The following PRG4 variants were observed in gnomAD, a reference collection of about 807,000 sequenced individuals.
PRG4 encodes proteoglycan 4.
Under a neutral mutation model 91.2 loss-of-function variants are expected in PRG4, and 61 were observed. The observed-to-expected ratio is 0.67, with a 90% CI of 0.54 to 0.83. The LOEUF is 0.83. Ranked by LOEUF, PRG4 falls within the 40% of genes least tolerant of loss-of-function variation. PRG4 has a pLI of 0.00. For synonymous variants in PRG4, 576 were observed against 614.2 expected (o/e 0.94, Z 0.92); for missense variants, 1,564 against 1,714.2 (o/e 0.91, Z 1.55).
chr1:186,302,483 A>G (rs1317276918), intron 4 of PRG4, among the ~76,000 whole-genome samples: 1 of 152,226 alleles, frequency 6.6e-6, no homozygotes, highest in Non-Finnish European at 1.5e-5. Flanking sequence ...AAACAAGAAT[A>G]TTTGTGGAGG....
In PRG4 at chr1:186,308,881, G is replaced by A. The variant is rs1656957816; in HGVS notation, c.3162G>A (p.Lys1054=). 1.2e-6 allele frequency: 2 copies of A among 1,613,672 alleles called. No homozygotes were observed. The highest frequency in any genetic ancestry group is 1.7e-5 in the Admixed American group (1 of 59,966). ...CAAAGACGACACCAACTCCCCGCAA[G>A]ATGACATCAACAATGCCAGAATTGA... ...RKPKTTPTPR[K]MTSTMPELNP... The change falls in exon 7 of 13, where the codon AAG becomes AAA. Residue 1054 remains lysine, a synonymous_variant. Coordinates refer to ENST00000445192, the MANE Select transcript of PRG4 (RefSeq NM_005807.6).
intron 9 of PRG4, 87 bp downstream of exon 9, chr1:186,311,257 A>G: frequency 6.9e-7 from 1 of 1,456,582 alleles, no homozygotes; most frequent in Non-Finnish European, 9.6e-7. Flanking sequence ...AACCTCCAAT[A>G]TGTGTCCTTT....
Position 186,308,521 on chromosome 1 carries a change from A to G in PRG4, c.2802A>G (p.Ala934=), listed in dbSNP as rs996220820. The change falls in exon 7 of 13, where the codon GCA becomes GCG. Residue 934 remains alanine (A), a synonymous_variant. Transcript: ENST00000445192. ...CTACACCTGAAACTACAACTGCTGCACCTAAGATGACAAAAGAGACAGCAA... is the reference window on the plus strand; with the variant it reads ...CTACACCTGAAACTACAACTGCTGCGCCTAAGATGACAAAAGAGACAGCAA... ...LRTTPETTTA[A]PKMTKETATT... is the part of the protein sequence containing the mutation. 6.2e-7 allele frequency: 1 copy of G among 1,613,790 alleles called. No individual in the cohort carries two copies. Among genetic ancestry groups the G allele is most frequent in the African/African-American group, 1.3e-5 (1 of 75,052 alleles).
In PRG4 at chr1:186,312,763, T is replaced by G. The variant is rs1366853091; in HGVS notation, c.3992-6T>G. 2.5e-6 allele frequency: 4 copies of G among 1,612,510 alleles called. No homozygotes were observed. Among genetic ancestry groups the G allele is most frequent in the African/African-American group, 1.3e-5 (1 of 74,874 alleles). ...TGGTATCTTTTATTAAACATGCCACTTACAGGTGTCCTTCATAATGAAGTT... is the reference window on the plus strand; with the variant it reads ...TGGTATCTTTTATTAAACATGCCACGTACAGGTGTCCTTCATAATGAAGTT... On this transcript the variant is annotated splice_polypyrimidine_tract_variant and splice_region_variant and intron_variant, in intron 11 of 12. Transcript: ENST00000445192.
intron 5 of PRG4, 73 bp downstream of exon 5, chr1:186,304,330 C>A: frequency 6.7e-7 from 1 of 1,487,576 alleles, no homozygotes; most frequent in Non-Finnish European, 9.4e-7. Context: ...CTTATCTAAG[C>A]CCATTCTCAG....
At position 186,308,843 on chromosome 1, in the gene PRG4, A is replaced by G; in HGVS notation, c.3124A>G (p.Arg1042Gly). Residue 1042 changes from arginine (R) to glycine (G), a missense_variant, in exon 7 of 13, where the codon AGA becomes GGA. Arg to Gly is a moderately radical substitution (Grantham distance 125, BLOSUM62 -2). Transcript: ENST00000445192. ...TACCAAAAAGCCAAAAACAATGCCTAGAGTGAGAAAACCAAAGACGACACC... is the reference window on the plus strand; with the variant it reads ...TACCAAAAAGCCAAAAACAATGCCTGGAGTGAGAAAACCAAAGACGACACC... ...TSTKKPKTMP[R>G]VRKPKTTPTP... 6.2e-7 allele frequency: 1 copy of G among 1,613,918 alleles called. No homozygotes were observed. Among genetic ancestry groups the G allele is most frequent in the South Asian group, 1.1e-5 (1 of 91,082 alleles).
In PRG4 at chr1:186,311,134, T is replaced by C. The variant is rs1363841173; in HGVS notation, c.3600T>C (p.Thr1200=). The change falls in exon 9 of 13, where the codon ACT becomes ACC. Residue 1200 remains threonine, a synonymous_variant. Coordinates refer to ENST00000445192, the MANE Select transcript of PRG4 (RefSeq NM_005807.6). ...GIPSPIDTVF[T]RCNCEGKTFF... is the part of the protein sequence containing the mutation. Reference sequence around the variant, plus strand: ...CTTCCCCCATTGATACTGTTTTTACTAGGTGCAACTGTGAAGGAAAAACTT... The same window carrying C: ...CTTCCCCCATTGATACTGTTTTTACCAGGTGCAACTGTGAAGGAAAAACTT... The C allele has an allele frequency of 6.2e-7, 1 of 1,613,348 alleles. No homozygotes were observed. The highest frequency in any genetic ancestry group is 8.5e-7 in the Non-Finnish European group (1 of 1,179,376).
In PRG4 at chr1:186,308,750, GCTA is replaced by G. The variant is rs1395507763; in HGVS notation, c.3035_3037del (p.Thr1012del). The G allele has an allele frequency of 4.3e-6, 7 of 1,613,664 alleles. No individual in the cohort carries two copies. Among genetic ancestry groups the G allele is most frequent in the Middle Eastern group, 1.6e-4 (1 of 6,062 alleles). On this transcript the variant is annotated inframe_deletion, in exon 7 of 13. Coordinates refer to ENST00000445192, the MANE Select transcript of PRG4 (RefSeq NM_005807.6). ...AGAAACAGCTAAACCAAAAGACAGAGCTACTAATTCTAAAGCGACAACTCCTAA... is the reference window on the plus strand; with the variant it reads ...AGAAACAGCTAAACCAAAAGACAGAGCTAATTCTAAAGCGACAACTCCTAA...
intron 8 of PRG4, 98 bp downstream of exon 8, chr1:186,309,968 G>C: frequency 1.0e-6 from 1 of 958,694 alleles, no homozygotes. Context: ...TTGTTTTCTG[G>C]AGGGGAATCT....
rs1657467919 is a variant in PRG4, at chr1:186,313,891, A to C, written c.*113A>C. 1.3e-6 allele frequency: 2 copies of C among 1,524,554 alleles called. No homozygotes were observed. Among genetic ancestry groups the C allele is most frequent in the Admixed American group, 3.4e-5 (2 of 59,520 alleles). 94.4% of individuals were successfully genotyped at this position (1,524,554 alleles called of 1,614,324 possible). A position where few individuals can be genotyped will look rare whatever the true frequency, so the allele number is the denominator to read the frequency against. On this transcript the variant is annotated 3_prime_UTR_variant, in exon 13 of 13. Coordinates refer to ENST00000445192, the MANE Select transcript of PRG4 (RefSeq NM_005807.6). ...CATGAGTATACCAGTTTATATATAAAAATGTTTTTAAACTTGACAATCATT... is the reference window on the plus strand; with the variant it reads ...CATGAGTATACCAGTTTATATATAACAATGTTTTTAAACTTGACAATCATT...
Position 186,306,621 on chromosome 1 carries a change from A to T in PRG4, c.902A>T (p.Lys301Ile), listed in dbSNP as rs750658224. Residue 301 changes from lysine (K) to isoleucine (I), a missense_variant, in exon 7 of 13, where the codon AAA becomes ATA. Lys to Ile is a moderately radical substitution (Grantham distance 102). Coordinates refer to ENST00000445192, the MANE Select transcript of PRG4 (RefSeq NM_005807.6). ...AATAAACAGACTTCAACTGATGGAA[A>T]AGAGAAGACTACTTCCGCTAAAGAG... Reference protein sequence around the residue: ...TTNKQTSTDGKEKTTSAKETQ... With the variant: ...TTNKQTSTDGIEKTTSAKETQ... 8 of 1,613,622 alleles carry T rather than the reference A, an allele frequency of 5.0e-6. No individual in the cohort carries two copies. Among genetic ancestry groups the T allele is most frequent in the Non-Finnish European group, 4.2e-6 (5 of 1,179,680 alleles).
intron 8 of PRG4, among the ~76,000 whole-genome samples, chr1:186,310,172 A>T (rs1479117812): frequency 6.6e-6 from 1 of 151,858 alleles, no homozygotes; most frequent in Non-Finnish European, 1.5e-5. Context: ...AAAATAAAAT[A>T]AAATTTTAAT....
intron 5 of PRG4, 65 bp from the exon 6 acceptor site, chr1:186,304,729 G>A (rs1195583461): frequency 6.4e-7 from 1 of 1,550,562 alleles, no homozygotes; most frequent in Non-Finnish European, 8.9e-7. Context: ...GCTGTGTTTA[G>A]ACTGGTGGTT....
intron 2 of PRG4, among the ~76,000 whole-genome samples, chr1:186,298,019 T>A (rs920653431): frequency 6.6e-6 from 1 of 152,252 alleles, no homozygotes; most frequent in East Asian, 1.9e-4. Flanking sequence ...CCTTTTCCTC[T>A]GTGATACAAT....
intron 7 of PRG4, 107 bp downstream of exon 7, chr1:186,309,247 G>C (rs1397699899): frequency 8.5e-7 from 1 of 1,173,110 alleles, no homozygotes; most frequent in East Asian, 2.5e-5. Context: ...TATATTACCT[G>C]ACCTTGTTAG....
In PRG4 at chr1:186,307,123, A is replaced by G; in HGVS notation, c.1404A>G (p.Ala468=). 12 of 1,544,218 alleles carry G rather than the reference A, an allele frequency of 7.8e-6. No individual in the cohort carries two copies. Among genetic ancestry groups the G allele is most frequent in the Non-Finnish European group, 1.0e-5 (12 of 1,150,566 alleles). The change falls in exon 7 of 13, where the codon GCA becomes GCG. Residue 468 remains alanine, a synonymous_variant. Coordinates refer to ENST00000445192, the MANE Select transcript of PRG4 (RefSeq NM_005807.6). ...EPTPTTPKEP[A]PTTKEPAPTT... ...CACCCACCACTCCCAAGGAGCCTGC[A>G]CCCACCACCAAGGAGCCTGCACCCA...
intron 12 of PRG4, 31 bp downstream of exon 12, chr1:186,312,925 G>A (rs752479638): frequency 6.3e-7 from 1 of 1,593,286 alleles, no homozygotes; most frequent in Non-Finnish European, 8.6e-7. Flanking sequence ...TTCCCAAGGA[G>A]GTGATATCAT....
At chr1:186,303,547 C>G (rs1221549277) in intron 4 of PRG4, among the ~76,000 whole-genome samples, 1 of 151,462 alleles carries the variant, frequency 6.6e-6, no homozygotes, top group Non-Finnish European at 1.5e-5. Flanking sequence ...AAGATACACA[C>G]CAAACCATTA....
At chr1:186,313,208 TATA>T (rs1210027079) in intron 12 of PRG4, 1 of 419,294 alleles carries the variant, frequency 2.4e-6, no homozygotes, top group Non-Finnish European at 4.4e-6. Context: ...GGCACAAGGT[TATA>T]ATGATTTGCA....
Sources: allele counts gnomAD v4.1 joint callset (sites outside exome capture counted in the v4.1 genomes callset), GRCh38; gene constraint gnomAD v4.1.1; transcripts MANE v1.5; gene names NCBI Gene and HGNC (gene_info 2026-07-23, HGNC 2026-07-21).